ABCD2: variants seen among roughly 807,000 people sequenced by gnomAD.
ABCD2 encodes the protein ATP-binding cassette sub-family D member 2.
Under a neutral mutation model 70.9 loss-of-function variants are expected in ABCD2, and 36 were observed. The observed-to-expected ratio is 0.51, with a 90% CI of 0.39 to 0.67. ABCD2 has a LOEUF of 0.67. ABCD2 is among the 30% of genes least tolerant of loss of function. The pLI, the probability that ABCD2 is intolerant of heterozygous loss-of-function variation, is 0.00. For missense variants in ABCD2, 729 were observed against 890.2 expected (o/e 0.82, Z 2.30); for synonymous variants, 304 against 306.9 (o/e 0.99, Z 0.10).
At chr12:39,579,222 C>A (rs1162234296) in intron 8 of ABCD2, among the ~76,000 whole-genome samples, 1 of 152,088 alleles carries the variant, frequency 6.6e-6, no homozygotes, top group Non-Finnish European at 1.5e-5. Flanking sequence ...ATTAGCCGGG[C>A]GTGGTGGCAC....
chr12:39,566,811 A>G (rs1477243028), intron 9 of ABCD2, among the ~76,000 whole-genome samples: 1 of 152,234 alleles, frequency 6.6e-6, no homozygotes, highest in African/African-American at 2.4e-5. Flanking sequence ...AATGTGTCCC[A>G]GAAATTCTGG....
intron 6 of ABCD2, among the ~76,000 whole-genome samples, chr12:39,596,423 T>C (rs552000066): frequency 3.0e-4 from 45 of 152,116 alleles, no homozygotes; most frequent in Non-Finnish European, 6.0e-4. Context: ...AAAGACTAAA[T>C]GAAAAAAAAA....
intron 9 of ABCD2, among the ~76,000 whole-genome samples, chr12:39,564,949 G>A (rs1362691650): frequency 6.6e-6 from 1 of 152,164 alleles, no homozygotes; most frequent in African/African-American, 2.4e-5. Context: ...TAGATATGCG[G>A]CATTATTTCT....
intron 7 of ABCD2, among the ~76,000 whole-genome samples, chr12:39,580,423 A>G (rs1445350533): frequency 6.6e-6 from 1 of 152,242 alleles, no homozygotes; most frequent in East Asian, 1.9e-4. Flanking sequence ...TAGGTCTTGT[A>G]TATTAATATG....
intron 9 of ABCD2, among the ~76,000 whole-genome samples, chr12:39,572,975 C>T (rs1941468298): frequency 6.6e-6 from 1 of 152,108 alleles, no homozygotes; most frequent in Non-Finnish European, 1.5e-5. Context: ...ATAATGAGAG[C>T]CGTGTGCTGT....
At position 39,553,771 on chromosome 12, in the gene ABCD2, A is replaced by G; in HGVS notation, c.*141T>C. The G allele has an allele frequency of 3.1e-6, 2 of 640,404 alleles. No individual in the cohort carries two copies. Among genetic ancestry groups the G allele is most frequent in the Non-Finnish European group, 2.6e-6 (1 of 379,354 alleles). 39.7% of individuals were successfully genotyped at this position (640,404 alleles called of 1,614,324 possible). On this transcript the variant is annotated 3_prime_UTR_variant, in exon 10 of 10. Coordinates refer to ENST00000308666, the MANE Select transcript of ABCD2 (RefSeq NM_005164.4). Reference sequence around the variant, plus strand: ...TTTCTTCTGAAAAGTCAGATCATATACTTCCTTAATGCTAAAATCTTATAA... The same window carrying G: ...TTTCTTCTGAAAAGTCAGATCATATGCTTCCTTAATGCTAAAATCTTATAA...
chr12:39,599,499 A>G (rs1336449249), intron 6 of ABCD2, among the ~76,000 whole-genome samples: 2 of 152,230 alleles, frequency 1.3e-5, no homozygotes, highest in African/African-American at 2.4e-5. Context: ...ACAAAATGTT[A>G]TCTATTTTGT....
intron 2 of ABCD2, 31 bp from the exon 3 acceptor site, chr12:39,607,745 G>GTTTTTTTT: frequency 2.5e-5 from 19 of 775,036 alleles, no homozygotes; most frequent in East Asian, 6.3e-5. Context: ...CAAAACTTGA[G>GTTTTTTTT]TTTTTTTTTT....
the ABCD2 span, among the ~76,000 whole-genome samples, chr12:39,538,750 G>C: frequency 6.6e-6 from 1 of 152,166 alleles, no homozygotes; most frequent in Non-Finnish European, 1.5e-5. Context: ...GCGTCAACAG[G>C]GTGCGTCAGC....
rs2120517032 is a variant in ABCD2, at chr12:39,554,090, C to A, written c.2045G>T (p.Gly682Val). 6.2e-7 allele frequency: 1 copy of A among 1,613,536 alleles called. No homozygotes were observed. The highest frequency in any genetic ancestry group is 8.5e-7 in the Non-Finnish European group (1 of 1,179,764). The change falls in exon 10 of 10, where the codon GGT becomes GTT. Residue 682 changes from glycine to valine, a missense_variant. Physicochemically the swap from Gly to Val is moderately radical, Grantham distance 109. Transcript: ENST00000308666. Reference protein sequence around the residue: ...THLLQFDGEGGWRFEQLDTAI... With the variant: ...THLLQFDGEGVWRFEQLDTAI... ...AGTATCCAATTGTTCAAAGCGCCAA[C>A]CTCCTTCACCATCAAACTGTAATAA...
chr12:39,607,134 A>C (rs912087683), intron 3 of ABCD2, among the ~76,000 whole-genome samples: 8 of 152,244 alleles, frequency 5.3e-5, no homozygotes, highest in African/African-American at 1.9e-4. Flanking sequence ...TTATTAGCTA[A>C]CATTTATTGA....
Position 39,551,590 on chromosome 12 carries a change from AACAAATAGGC to A in ABCD2, c.*2312_*2321del, listed in dbSNP as rs1313173877. 6.6e-6 allele frequency: 1 copy of A among 151,800 alleles called. No individual in the cohort carries two copies. The highest frequency in any genetic ancestry group is 1.5e-5 in the Non-Finnish European group (1 of 67,734). 9.4% of individuals were successfully genotyped at this position (151,800 alleles called of 1,614,324 possible). Reference sequence around the variant, plus strand: ...TTGGTCCTGAAAAATAAATTCAGAAAACAAATAGGCACAAAAAGCTCATGGAAAACATGTG... The same window carrying A: ...TTGGTCCTGAAAAATAAATTCAGAAAACAAAAAGCTCATGGAAAACATGTG... On this transcript the variant is annotated 3_prime_UTR_variant, in exon 10 of 10. Coordinates refer to ENST00000308666, the MANE Select transcript of ABCD2 (RefSeq NM_005164.4).
chr12:39,578,516 A>G (rs1225781293), intron 8 of ABCD2, among the ~76,000 whole-genome samples: 3 of 151,442 alleles, frequency 2.0e-5, no homozygotes, highest in Non-Finnish European at 4.4e-5. Flanking sequence ...GTTTCTGACA[A>G]CCTTCTGTGC....
At chr12:39,604,447 A>G (rs746873264) in intron 4 of ABCD2, among the ~76,000 whole-genome samples, 25 of 152,232 alleles carry the variant, frequency 1.6e-4, no homozygotes, top group Admixed American at 7.8e-4. Context: ...ATAATGAAGA[A>G]CAACATGACA....
At chr12:39,590,574 C>G (rs942523429) in intron 6 of ABCD2, among the ~76,000 whole-genome samples, 1 of 151,792 alleles carries the variant, frequency 6.6e-6, no homozygotes, top group Admixed American at 6.6e-5. Flanking sequence ...TCTTGGGAAT[C>G]TACAATTCTT....
At chr12:39,557,717 C>A (rs146956076) in intron 9 of ABCD2, among the ~76,000 whole-genome samples, 2 of 152,106 alleles carry the variant, frequency 1.3e-5, no homozygotes, top group Non-Finnish European at 2.9e-5. Context: ...CTAAAATGGG[C>A]CAAGGTACAG....
At chr12:39,560,936 A>C (rs1941248019) in intron 9 of ABCD2, among the ~76,000 whole-genome samples, 1 of 152,222 alleles carries the variant, frequency 6.6e-6, no homozygotes, top group African/African-American at 2.4e-5. Flanking sequence ...GAATCAAAGC[A>C]TATTACTAAA....
chr12:39,586,662 C>T (rs1312195275), intron 6 of ABCD2, among the ~76,000 whole-genome samples: 1 of 152,144 alleles, frequency 6.6e-6, no homozygotes, highest in East Asian at 1.9e-4. Context: ...TCCCAAAGCA[C>T]TGGGATTACA....
At chr12:39,607,131 C>T (rs553378663) in intron 3 of ABCD2, among the ~76,000 whole-genome samples, 16 of 152,252 alleles carry the variant, frequency 1.1e-4, no homozygotes, top group Admixed American at 3.9e-4. Context: ...ATGTTATTAG[C>T]TAACATTTAT....
Sources: gnomAD v4.1 joint callset for allele counts (sites outside exome capture counted in the v4.1 genomes callset) on GRCh38, gnomAD v4.1.1 for gene constraint, MANE v1.5 for transcripts, NCBI Gene and HGNC (gene_info 2026-07-23, HGNC 2026-07-21) for gene names.